Variants in ZMYM2 observed in about 807,000 individuals in gnomAD.
ZMYM2 encodes the protein zinc finger MYM-type containing 2, also known as zinc finger MYM-type protein 2.
ZMYM2 carries 56 observed loss-of-function variants against 162.8 expected under a neutral mutation model. The ratio of observed to expected loss-of-function variants is 0.34; its 90% CI spans 0.28 to 0.43. The LOEUF is 0.43. Among genes scored for constraint, ZMYM2 ranks in the 20% least tolerant of loss-of-function variants. ZMYM2 has a pLI of 1.00. For missense variants in ZMYM2, 1,275 were observed against 1,621.8 expected (o/e 0.79, Z 3.67); for synonymous variants, 510 against 541.6 (o/e 0.94, Z 0.81).
chr13:20,064,353 G>T (rs1411320228), intron 18 of ZMYM2, 98 bp from the exon 19 acceptor site: 4 of 989,762 alleles, frequency 4.0e-6, no homozygotes, highest in Non-Finnish European at 5.7e-6. Flanking sequence ...CCCCATGTAT[G>T]AATGCTGGTT....
the ZMYM2 span, among the ~76,000 whole-genome samples, chr13:19,867,351 A>G: frequency 1.1e-5 from 1 of 87,854 alleles, no homozygotes; most frequent in Non-Finnish European, 2.2e-5. Context: ...ACTCCATCTC[A>G]AAAAAAAAAA....
the ZMYM2 span, among the ~76,000 whole-genome samples, chr13:19,912,770 A>G: frequency 6.6e-6 from 1 of 152,192 alleles, no homozygotes. Flanking sequence ...CCACTTACAT[A>G]TTAGAGAATG....
the ZMYM2 span, among the ~76,000 whole-genome samples, chr13:19,925,988 T>C: frequency 6.6e-6 from 1 of 150,668 alleles, no homozygotes; most frequent in East Asian, 2.0e-4. Context: ...TGAGACGGAG[T>C]CTTGCTCTGT....
At chr13:19,918,483 T>TTTTC in the ZMYM2 span, among the ~76,000 whole-genome samples, 63 of 148,302 alleles carry the variant, frequency 4.2e-4, 1 homozygote, top group Non-Finnish European at 6.4e-4. Flanking sequence ...TTTCTTTTCT[T>TTTTC]TTTCTTTCTT....
intron 6 of ZMYM2, among the ~76,000 whole-genome samples, chr13:20,010,731 C>T (rs1250731256): frequency 2.6e-5 from 4 of 152,088 alleles, no homozygotes; most frequent in Admixed American, 6.6e-5. Context: ...GCCTCTGCCT[C>T]CTGGGTTCAA....
chr13:19,886,375 G>T, the ZMYM2 span, among the ~76,000 whole-genome samples: 7 of 151,438 alleles, frequency 4.6e-5, 1 homozygote, highest in African/African-American at 1.7e-4. Flanking sequence ...TGTTGGTCAG[G>T]CTGGTCTCAA....
intron 14 of ZMYM2, among the ~76,000 whole-genome samples, chr13:20,055,779 T>C (rs528210258): frequency 1.3e-5 from 2 of 151,608 alleles, no homozygotes; most frequent in Non-Finnish European, 2.9e-5. Context: ...AACTTACGGA[T>C]TCATGAGATT....
chr13:20,083,154 C>A, intron 23 of ZMYM2, 122 bp downstream of exon 23: 1 of 1,009,914 alleles, frequency 9.9e-7, no homozygotes, highest in Non-Finnish European at 1.4e-6. Context: ...CCTCTACCTC[C>A]TGGGTTCAAG....
At chr13:19,965,172 G>T in intron 2 of ZMYM2, 1 of 1,110,788 alleles carries the variant, frequency 9.0e-7, no homozygotes, top group Non-Finnish European at 1.2e-6. Flanking sequence ...AATAATGTTT[G>T]TAAAATGTGA....
intron 6 of ZMYM2, among the ~76,000 whole-genome samples, chr13:20,014,488 G>A (rs957179288): frequency 1.1e-4 from 17 of 152,278 alleles, no homozygotes; most frequent in African/African-American, 3.9e-4. Flanking sequence ...CATCTAGGCT[G>A]TGTAATTAGT....
Position 20,086,130 on chromosome 13 carries a change from G to GTAC in ZMYM2, c.*117_*119dup. 1 of 1,036,940 alleles carries GTAC rather than the reference G, an allele frequency of 9.6e-7. No homozygotes were observed. Among genetic ancestry groups the GTAC allele is most frequent in the Non-Finnish European group, 1.4e-6 (1 of 730,386 alleles). 64.2% of individuals were successfully genotyped at this position (1,036,940 alleles called of 1,614,324 possible). ...CTTCTGTTTTGAGTTTTGTAGCAGT[G>GTAC]TACCCACGCTGGGTATTACCATGTA... On this transcript the variant is annotated 3_prime_UTR_variant, in exon 25 of 25. Transcript: ENST00000610343.
chr13:20,075,645 T>G (rs895464504), intron 21 of ZMYM2, among the ~76,000 whole-genome samples: 14 of 150,746 alleles, frequency 9.3e-5, no homozygotes, highest in African/African-American at 3.4e-4. Flanking sequence ...CATACTAAAT[T>G]TATTATGAAT....
chr13:20,058,893 C>T (rs1956016480), intron 15 of ZMYM2, 189 bp downstream of exon 15: 1 of 799,294 alleles, frequency 1.3e-6, no homozygotes, highest in African/African-American at 1.7e-5. Flanking sequence ...TCATTATGAT[C>T]AATCTCTGAT....
intron 3 of ZMYM2, among the ~76,000 whole-genome samples, chr13:19,994,949 C>A (rs1949908561): frequency 6.6e-6 from 1 of 150,902 alleles, no homozygotes; most frequent in Non-Finnish European, 1.5e-5. Context: ...CCTTCCATCG[C>A]AGCCTCCAGA....
the ZMYM2 span, among the ~76,000 whole-genome samples, chr13:19,876,312 G>A: frequency 6.6e-6 from 1 of 152,000 alleles, no homozygotes; most frequent in Non-Finnish European, 1.5e-5. Flanking sequence ...ACATGCGTGA[G>A]CCACTACGCC....
chr13:20,084,351 C>T (rs1958105914), intron 24 of ZMYM2, among the ~76,000 whole-genome samples: 1 of 152,130 alleles, frequency 6.6e-6, no homozygotes, highest in African/African-American at 2.4e-5. Flanking sequence ...GACAGCAAAG[C>T]AAGGGACACA....
chr13:19,909,650 C>G, the ZMYM2 span, among the ~76,000 whole-genome samples: 20 of 151,882 alleles, frequency 1.3e-4, no homozygotes, highest in Admixed American at 1.3e-3. Context: ...CCAGGCTGGT[C>G]TGGAACTCCT....
chr13:19,911,769 G>A, the ZMYM2 span, among the ~76,000 whole-genome samples: 1 of 152,216 alleles, frequency 6.6e-6, no homozygotes, highest in Non-Finnish European at 1.5e-5. Context: ...CTGGCAGAAG[G>A]CCCACATTGG....
intron 21 of ZMYM2, among the ~76,000 whole-genome samples, chr13:20,079,827 A>G (rs533525760): frequency 3.3e-5 from 5 of 152,366 alleles, no homozygotes; most frequent in African/African-American, 1.2e-4. Flanking sequence ...AATGTTACAT[A>G]GAAATTTTCT....
Sources: gnomAD v4.1 joint callset for allele counts (sites outside exome capture counted in the v4.1 genomes callset) on GRCh38, gnomAD v4.1.1 for gene constraint, MANE v1.5 for transcripts, NCBI Gene and HGNC (gene_info 2026-07-23, HGNC 2026-07-21) for gene names.